ST7: variants seen among roughly 807,000 people sequenced by gnomAD.
The protein encoded by ST7 is suppressor of tumorigenicity 7 protein.
A neutral mutation model predicts 78.7 loss-of-function variants in ST7; 28 were observed. The observed-to-expected ratio is 0.36, with a 90% confidence interval of 0.26 to 0.49. ST7 has a LOEUF of 0.49. Among genes scored for constraint, ST7 ranks in the 20% least tolerant of loss-of-function variants. ST7 has a pLI of 0.99. For synonymous variants in ST7, 247 were observed against 249.6 expected (o/e 0.99, Z 0.10); for missense variants, 418 against 696.0 (o/e 0.60, Z 4.49).
chr7:117,033,325 G>A (rs35054513), intron 1 of ST7, among the ~76,000 whole-genome samples: 16 of 152,080 alleles, frequency 1.1e-4, no homozygotes, highest in African/African-American at 2.4e-4. Flanking sequence ...GGTTCCTGTC[G>A]TCTGGCAGTT....
At chr7:117,022,702 A>T (rs925346413) in intron 1 of ST7, among the ~76,000 whole-genome samples, 1 of 152,238 alleles carries the variant, frequency 6.6e-6, no homozygotes, top group Admixed American at 6.5e-5. Context: ...TTCTGTATAC[A>T]GTACTGTGGT....
chr7:117,066,764 C>CAAAAAAA (rs35246518), intron 1 of ST7, among the ~76,000 whole-genome samples: 2 of 74,738 alleles, frequency 2.7e-5, no homozygotes, highest in Non-Finnish European at 4.8e-5. Flanking sequence ...GACTCCGTCT[C>CAAAAAAA]AAAAAAAAAA....
chr7:117,022,091 T>TCAGTGTTAC (rs1795948522), intron 1 of ST7, among the ~76,000 whole-genome samples: 1 of 152,206 alleles, frequency 6.6e-6, no homozygotes, highest in South Asian at 2.1e-4. Context: ...CATTGTCTGC[T>TCAGTGTTAC]CAGTGTTACC....
At chr7:117,157,841 C>A (rs890858960) in intron 9 of ST7, among the ~76,000 whole-genome samples, 1 of 152,168 alleles carries the variant, frequency 6.6e-6, no homozygotes, top group African/African-American at 2.4e-5. Flanking sequence ...TCAAAATATG[C>A]ATCAAATTGC....
chr7:116,985,867 C>T (rs1275377527), intron 1 of ST7, among the ~76,000 whole-genome samples: 2 of 152,240 alleles, frequency 1.3e-5, no homozygotes, highest in African/African-American at 4.8e-5. Flanking sequence ...GAGTCTCGCT[C>T]TGTTGCTGAG....
chr7:117,033,854 A>G (rs947366604), intron 1 of ST7, among the ~76,000 whole-genome samples: 1 of 152,134 alleles, frequency 6.6e-6, no homozygotes, highest in Admixed American at 6.5e-5. Context: ...GAGTAGATTA[A>G]CTTCTCTGGC....
intron 1 of ST7, among the ~76,000 whole-genome samples, chr7:116,990,501 G>A (rs1794378493): frequency 1.3e-5 from 2 of 152,206 alleles, no homozygotes; most frequent in East Asian, 1.9e-4. Context: ...GGTCCAGGTT[G>A]TTATAATTCC....
At chr7:117,119,536 A>T (rs112715387) in intron 2 of ST7, 25 bp from the exon 3 acceptor site, 7 of 1,601,728 alleles carry the variant, frequency 4.4e-6, no homozygotes, top group African/African-American at 2.7e-5. Flanking sequence ...CAGTGACCAT[A>T]AACACGCTTA....
At position 117,041,854 on chromosome 7, in the gene ST7, A is replaced by C. The variant is rs370327142; in HGVS notation, c.152-57908A>C. On this transcript the variant is annotated intron_variant, in intron 1 of 15. Transcript: ENST00000323984. ...TAAACCAGGCAGAATTAAGGTTGAT[A>C]ATAGACTGATTTTAAAATATGGACA... Among the ~76,000 whole-genome samples the C allele has an allele frequency of 8.3e-4, 127 of 152,312 alleles. 3 individuals carry two copies. In the South Asian group the frequency reaches 0.025, roughly 30 times the overall value.
At chr7:116,985,693 A>C in intron 1 of ST7, among the ~76,000 whole-genome samples, 1 of 152,220 alleles carries the variant, frequency 6.6e-6, no homozygotes, top group South Asian at 2.1e-4. Context: ...GATCAGAGGA[A>C]AAGGTGATCA....
chr7:117,083,180 T>C, intron 1 of ST7, among the ~76,000 whole-genome samples: 1 of 151,972 alleles, frequency 6.6e-6, no homozygotes, highest in African/African-American at 2.4e-5. Flanking sequence ...TTGCTTCAGC[T>C]TCCAGAGTAG....
At chr7:117,209,740 A>G in intron 12 of ST7, 47 bp from the exon 13 acceptor site, 1 of 1,584,164 alleles carries the variant, frequency 6.3e-7, no homozygotes, top group African/African-American at 1.4e-5. Flanking sequence ...ACTGAATTCT[A>G]AATTACTTAG....
chr7:116,956,187 T>TA (rs1225506431), intron 1 of ST7, among the ~76,000 whole-genome samples: 1 of 152,204 alleles, frequency 6.6e-6, no homozygotes, highest in Non-Finnish European at 1.5e-5. Flanking sequence ...AGTGAGAAGT[T>TA]ATAGTAGGAA....
chr7:117,190,786 C>T lies in ST7; in HGVS notation c.1152-48C>T. On this transcript the variant is annotated intron_variant, in intron 11 of 15. Transcript: ENST00000323984. This position sits in a 1 kb window ranked among gnomAD's most constrained non-coding sequence, Gnocchi z 5.2. ...ATGTGTAGATGCTTCCGGGTTGATG[C>T]CCAAGCAGTGGTCCCACCTGGATGG... The T allele has an allele frequency of 1.3e-6, 2 of 1,518,180 alleles. No homozygotes were observed. The highest frequency in any genetic ancestry group is 9.1e-7 in the Non-Finnish European group (1 of 1,095,198). 94.0% of individuals were successfully genotyped at this position (1,518,180 alleles called of 1,614,324 possible).
intron 2 of ST7, among the ~76,000 whole-genome samples, chr7:117,101,412 G>C (rs1801558823): frequency 6.6e-6 from 1 of 152,160 alleles, no homozygotes; most frequent in African/African-American, 2.4e-5. Flanking sequence ...CAAGAGATGA[G>C]ACTCTCACTA....
At chr7:117,059,517 A>G (rs1174483291) in intron 1 of ST7, among the ~76,000 whole-genome samples, 1 of 152,136 alleles carries the variant, frequency 6.6e-6, no homozygotes, top group Non-Finnish European at 1.5e-5. Flanking sequence ...TATGTAACAT[A>G]TGGAATTTCT....
At chr7:117,098,952 G>A in intron 1 of ST7, 2 of 689,060 alleles carry the variant, frequency 2.9e-6, no homozygotes, top group South Asian at 2.2e-5. Context: ...CTGAATAGTG[G>A]GTATGAACAG....
intron 1 of ST7, among the ~76,000 whole-genome samples, chr7:117,049,409 T>G (rs1433353717): frequency 1.3e-5 from 2 of 152,244 alleles, no homozygotes; most frequent in Non-Finnish European, 2.9e-5. Context: ...ATCTTGACAT[T>G]TCTTAAACCA....
intron 2 of ST7, among the ~76,000 whole-genome samples, chr7:117,116,322 T>C (rs1802879747): frequency 6.6e-6 from 1 of 152,206 alleles, no homozygotes; most frequent in Non-Finnish European, 1.5e-5. Flanking sequence ...AAGAAGTGCT[T>C]TTAAAATCTA....
Sources: allele counts gnomAD v4.1 joint callset (sites outside exome capture counted in the v4.1 genomes callset), GRCh38; gene constraint gnomAD v4.1.1; non-coding constraint Gnocchi (gnomAD v3.1); transcripts MANE v1.5; gene names NCBI Gene and HGNC (gene_info 2026-07-23, HGNC 2026-07-21).